Variants in NRXN3 observed in about 807,000 individuals in gnomAD.
The protein encoded by NRXN3 is neurexin III.
Under a neutral mutation model 137.6 loss-of-function variants are expected in NRXN3, and 32 were observed. The observed-to-expected ratio is 0.23, with a 90% CI of 0.18 to 0.31. NRXN3 has a LOEUF of 0.31. Ranked by LOEUF, NRXN3 falls within the 10% of genes least tolerant of loss-of-function variation. NRXN3 has a pLI of 1.00. For synonymous variants in NRXN3, 798 were observed against 784.5 expected, an observed-to-expected ratio of 1.02 and a Z score of -0.29; for missense variants, 1,574 against 2,062.5, an observed-to-expected ratio of 0.76 and a Z score of 4.59.
intron 15 of NRXN3, among the ~76,000 whole-genome samples, chr14:79,301,814 A>G (rs1465330386): frequency 2.0e-5 from 3 of 151,900 alleles, no homozygotes; most frequent in African/African-American, 7.2e-5. Flanking sequence ...CTACTAATAT[A>G]TGTGTATGTT....
chr14:78,723,705 A>G (rs1049041525), intron 8 of NRXN3, among the ~76,000 whole-genome samples: 1 of 152,240 alleles, frequency 6.6e-6, no homozygotes, highest in African/African-American at 2.4e-5. Flanking sequence ...ATGTGCTCAC[A>G]TAGATAACAA....
chr14:79,057,254 T>C (rs1250305594), intron 15 of NRXN3, among the ~76,000 whole-genome samples: 1 of 152,222 alleles, frequency 6.6e-6, no homozygotes, highest in Non-Finnish European at 1.5e-5. Context: ...AGAAAGATGA[T>C]GTTAATCTAG....
At chr14:78,851,168 C>A (rs2099041526) in intron 10 of NRXN3, among the ~76,000 whole-genome samples, 1 of 152,114 alleles carries the variant, frequency 6.6e-6, no homozygotes, top group Non-Finnish European at 1.5e-5. Flanking sequence ...TCAAAATACA[C>A]AAGTCAGAGG....
chr14:78,740,623 T>TA (rs2098562775), intron 8 of NRXN3, among the ~76,000 whole-genome samples: 1 of 151,874 alleles, frequency 6.6e-6, no homozygotes, highest in East Asian at 1.9e-4. Flanking sequence ...GAAACTTCTG[T>TA]AAAAAATGTC....
intron 15 of NRXN3, among the ~76,000 whole-genome samples, chr14:79,206,086 A>G (rs918897683): frequency 6.6e-6 from 1 of 152,146 alleles, no homozygotes; most frequent in Admixed American, 6.5e-5. Context: ...TGTTTTTGTT[A>G]TATCACTGCC....
intron 4 of NRXN3, among the ~76,000 whole-genome samples, chr14:78,537,491 T>C (rs2096547603): frequency 6.6e-6 from 1 of 152,250 alleles, no homozygotes; most frequent in Non-Finnish European, 1.5e-5. Context: ...TTGAGTTCTT[T>C]GTAGATTCTG....
intron 4 of NRXN3, among the ~76,000 whole-genome samples, chr14:78,616,894 G>A (rs540927676): frequency 8.0e-4 from 122 of 152,254 alleles, no homozygotes; most frequent in Non-Finnish European, 1.2e-3. Context: ...GAATGCCATC[G>A]TTACAAATTA....
At chr14:79,258,415 G>T (rs1000453032) in intron 15 of NRXN3, among the ~76,000 whole-genome samples, 3 of 151,990 alleles carry the variant, frequency 2.0e-5, no homozygotes, top group Admixed American at 2.0e-4. Flanking sequence ...ATGTTTTCCA[G>T]GCTGGTCTCG....
intron 15 of NRXN3, among the ~76,000 whole-genome samples, chr14:79,293,491 G>A (rs1230434895): frequency 6.6e-6 from 1 of 152,230 alleles, no homozygotes; most frequent in Non-Finnish European, 1.5e-5. Flanking sequence ...CAAATTAGAG[G>A]CAAGGCGAGG....
chr14:78,186,225 C>T (rs886212894), intron 1 of NRXN3, among the ~76,000 whole-genome samples: 1 of 152,294 alleles, frequency 6.6e-6, no homozygotes, highest in African/African-American at 2.4e-5. Context: ...AGCCAGTCTT[C>T]GTTGGTCAAT....
chr14:79,768,665 G>T (rs985517369), intron 19 of NRXN3, among the ~76,000 whole-genome samples: 1 of 152,200 alleles, frequency 6.6e-6, no homozygotes, highest in Admixed American at 6.5e-5. Flanking sequence ...AAACCACAAA[G>T]ATGGGGAAAA....
At chr14:78,435,528 T>C (rs946074207) in intron 4 of NRXN3, among the ~76,000 whole-genome samples, 1 of 152,200 alleles carries the variant, frequency 6.6e-6, no homozygotes, top group African/African-American at 2.4e-5. Context: ...AATTTTCTTT[T>C]GTCTTGATAA....
At chr14:79,386,164 G>T (rs2153461855) in intron 15 of NRXN3, among the ~76,000 whole-genome samples, 1 of 152,242 alleles carries the variant, frequency 6.6e-6, no homozygotes. Context: ...AAGTCAAATT[G>T]TCCCTGTTTG....
At chr14:79,391,993 C>A (rs2094862393) in intron 15 of NRXN3, among the ~76,000 whole-genome samples, 1 of 152,170 alleles carries the variant, frequency 6.6e-6, no homozygotes, top group South Asian at 2.1e-4. Context: ...TCTTCTCTCT[C>A]TTTTTCCTTT....
At chr14:78,219,005 G>GT (rs1309350944) in intron 1 of NRXN3, among the ~76,000 whole-genome samples, 1 of 152,178 alleles carries the variant, frequency 6.6e-6, no homozygotes, top group Middle Eastern at 3.2e-3. Context: ...CCCTCTGCGT[G>GT]TATCTGTGTC....
At chr14:78,186,653 A>G (rs757670252) in intron 1 of NRXN3, among the ~76,000 whole-genome samples, 6 of 152,346 alleles carry the variant, frequency 3.9e-5, no homozygotes, top group Middle Eastern at 3.4e-3. Context: ...TGGACGTAGA[A>G]GCCTTTTTAA....
At chr14:79,377,844 C>T (rs1431069638) in intron 15 of NRXN3, among the ~76,000 whole-genome samples, 1 of 152,150 alleles carries the variant, frequency 6.6e-6, no homozygotes, top group Non-Finnish European at 1.5e-5. Context: ...AATGAATTAA[C>T]AAGAGAATAG....
At chr14:78,846,464 TA>T (rs1400142493) in intron 10 of NRXN3, among the ~76,000 whole-genome samples, 1 of 152,152 alleles carries the variant, frequency 6.6e-6, no homozygotes, top group Admixed American at 6.6e-5. Context: ...TTATGGGATT[TA>T]AATACCATAA....
chr14:78,975,044 T>C (rs2099459753), intron 14 of NRXN3, among the ~76,000 whole-genome samples: 1 of 152,220 alleles, frequency 6.6e-6, no homozygotes. Flanking sequence ...CTCCAGTGAA[T>C]GTGTTGTTGA....
Sources: gnomAD v4.1 joint callset for allele counts (sites outside exome capture counted in the v4.1 genomes callset) on GRCh38, gnomAD v4.1.1 for gene constraint, MANE v1.5 for transcripts, NCBI Gene and HGNC (gene_info 2026-07-23, HGNC 2026-07-21) for gene names.